The following PCMTD1 variants were observed in gnomAD, a reference collection of about 807,000 sequenced individuals.
PCMTD1 encodes the protein protein-L-isoaspartate (D-aspartate) O-methyltransferase domain containing 1.
In PCMTD1, 12 loss-of-function variants were observed where a neutral mutation model predicts 37.6. The ratio of observed to expected loss-of-function variants is 0.32; its 90% confidence interval spans 0.20 to 0.52. The LOEUF (loss-of-function observed/expected upper bound fraction) is 0.52. PCMTD1 is among the 20% of genes least tolerant of loss of function. The pLI, the probability that PCMTD1 is intolerant of heterozygous loss-of-function variation, is 0.97. For synonymous variants in PCMTD1, 117 were observed against 135.8 expected, an observed-to-expected ratio of 0.86 and a Z score of 0.96; for missense variants, 235 against 421.3, an observed-to-expected ratio of 0.56 and a Z score of 3.87.
At chr8:51,872,901 G>GT (rs916141412) in intron 1 of PCMTD1, among the ~76,000 whole-genome samples, 5 of 152,062 alleles carry the variant, frequency 3.3e-5, no homozygotes, top group African/African-American at 9.7e-5. Flanking sequence ...TCTGGCTTTG[G>GT]TTTTTTCACC....
chr8:51,885,003 C>G (rs1274099578), intron 1 of PCMTD1, among the ~76,000 whole-genome samples: 1 of 152,172 alleles, frequency 6.6e-6, no homozygotes, highest in African/African-American at 2.4e-5. Context: ...GTAAATAATC[C>G]TTTACACTAA....
intron 1 of PCMTD1, among the ~76,000 whole-genome samples, chr8:51,890,911 A>C (rs10095739): frequency 0.69 from 104,636 of 152,148 alleles, 42,399 homozygotes; most frequent in Non-Finnish European, 0.9. Context: ...TACATGGCAG[A>C]AGGACTTACA....
At chr8:51,882,382 G>A (rs754538270) in intron 1 of PCMTD1, among the ~76,000 whole-genome samples, 7 of 152,192 alleles carry the variant, frequency 4.6e-5, no homozygotes, top group Non-Finnish European at 1.0e-4. Flanking sequence ...ATGGGGTAGG[G>A]GGCGGTCAGG....
At chr8:51,842,195 A>G (rs746258332) in intron 3 of PCMTD1, among the ~76,000 whole-genome samples, 14 of 152,324 alleles carry the variant, frequency 9.2e-5, no homozygotes, top group Non-Finnish European at 1.5e-4. Context: ...ATCTAGTGCT[A>G]TGTACTCTCC....
intron 2 of PCMTD1, among the ~76,000 whole-genome samples, chr8:51,860,193 T>C (rs1217109302): frequency 6.6e-6 from 1 of 152,248 alleles, no homozygotes; most frequent in East Asian, 1.9e-4. Context: ...AATAATTGTC[T>C]GTACTTCAAA....
intron 1 of PCMTD1, among the ~76,000 whole-genome samples, chr8:51,872,139 A>C (rs945720154): frequency 6.6e-6 from 1 of 152,214 alleles, no homozygotes; most frequent in Non-Finnish European, 1.5e-5. Context: ...ACAAGATATG[A>C]GGTTCATCTA....
chr8:51,824,267 G>C (rs1185017149), intron 5 of PCMTD1, among the ~76,000 whole-genome samples: 1 of 152,198 alleles, frequency 6.6e-6, no homozygotes, highest in Non-Finnish European at 1.5e-5. Context: ...GTCTCTGTTT[G>C]CAGATGACAT....
chr8:51,841,891 T>C (rs944487888), intron 3 of PCMTD1, among the ~76,000 whole-genome samples: 2 of 152,228 alleles, frequency 1.3e-5, no homozygotes, highest in African/African-American at 4.8e-5. Flanking sequence ...AGAGTGTTTT[T>C]GTAAATAAAA....
intron 3 of PCMTD1, among the ~76,000 whole-genome samples, chr8:51,843,211 T>C (rs1212145960): frequency 2.6e-5 from 4 of 152,002 alleles, no homozygotes; most frequent in African/African-American, 7.2e-5. Flanking sequence ...CCACTCATTA[T>C]GCAAAATGTT....
intron 4 of PCMTD1, among the ~76,000 whole-genome samples, chr8:51,832,076 C>T (rs2038005919): frequency 6.6e-6 from 1 of 152,056 alleles, no homozygotes; most frequent in Non-Finnish European, 1.5e-5. Flanking sequence ...CAGCAAATGC[C>T]CATCACTGGT....
At chr8:51,844,828 G>C (rs761356127) in intron 3 of PCMTD1, 1 of 152,214 alleles carries the variant, frequency 6.6e-6, no homozygotes, top group Admixed American at 6.5e-5. Flanking sequence ...GGATATAAAT[G>C]AGGGCCAACT....
At chr8:51,851,464 T>C (rs1388936260) in intron 2 of PCMTD1, among the ~76,000 whole-genome samples, 2 of 152,188 alleles carry the variant, frequency 1.3e-5, no homozygotes, top group African/African-American at 4.8e-5. Context: ...TTTACATATT[T>C]CTACACAATG....
chr8:51,854,261 T>C (rs1476489954), intron 2 of PCMTD1, among the ~76,000 whole-genome samples: 1 of 152,182 alleles, frequency 6.6e-6, no homozygotes, highest in Non-Finnish European at 1.5e-5. Flanking sequence ...TAATCAGCAG[T>C]AATATTATCC....
At chr8:51,856,557 T>C (rs1251679399) in intron 2 of PCMTD1, among the ~76,000 whole-genome samples, 2 of 152,212 alleles carry the variant, frequency 1.3e-5, no homozygotes, top group Non-Finnish European at 2.9e-5. Context: ...TGTACCTAAA[T>C]GCTCATAATG....
chr8:51,849,168 A>G (rs1181976691), intron 2 of PCMTD1: 1 of 152,200 alleles, frequency 6.6e-6, no homozygotes, highest in Non-Finnish European at 1.5e-5. Context: ...AAACATTTTT[A>G]TCATTATATG....
intron 2 of PCMTD1, among the ~76,000 whole-genome samples, chr8:51,853,774 G>A (rs1033901813): frequency 6.6e-6 from 1 of 151,966 alleles, no homozygotes; most frequent in African/African-American, 2.4e-5. Flanking sequence ...CCATCAACAG[G>A]CCCCAGTGCA....
intron 1 of PCMTD1, among the ~76,000 whole-genome samples, chr8:51,862,767 C>A (rs2038492385): frequency 6.6e-6 from 1 of 152,200 alleles, no homozygotes; most frequent in Admixed American, 6.5e-5. Flanking sequence ...TCCTTTCCTA[C>A]AATTGCCTTA....
intron 1 of PCMTD1, among the ~76,000 whole-genome samples, chr8:51,882,818 T>TAAAAAAA (rs34942203): frequency 1.5e-5 from 2 of 137,602 alleles, no homozygotes; most frequent in East Asian, 2.1e-4. Flanking sequence ...ATAGCATACT[T>TAAAAAAA]AAAAAAAAAA....
chr8:51,869,626 A>C (rs938165264), intron 1 of PCMTD1, among the ~76,000 whole-genome samples: 1 of 152,170 alleles, frequency 6.6e-6, no homozygotes, highest in Non-Finnish European at 1.5e-5. Context: ...AAGAAGAAAC[A>C]ATTTTAGGAG....
Sources: allele counts gnomAD v4.1 joint callset (sites outside exome capture counted in the v4.1 genomes callset), GRCh38; gene constraint gnomAD v4.1.1; transcripts MANE v1.5; gene names NCBI Gene and HGNC (gene_info 2026-07-23, HGNC 2026-07-21).